APBB2: variants seen among roughly 807,000 people sequenced by gnomAD.
APBB2 encodes amyloid beta precursor protein binding family B member 2.
A neutral mutation model predicts 82.5 loss-of-function variants in APBB2; 38 were observed. The observed-to-expected ratio is 0.46, with a 90% CI of 0.36 to 0.60. The LOEUF (loss-of-function observed/expected upper bound fraction) is 0.60. Ranked by LOEUF, APBB2 falls within the 20% of genes least tolerant of loss-of-function variation. The pLI, the probability that APBB2 is intolerant of heterozygous loss-of-function variation, is 0.00. For missense variants in APBB2, 772 were observed against 972.3 expected (o/e 0.79, Z 2.74); for synonymous variants, 341 against 368.2 (o/e 0.93, Z 0.85).
intron 1 of APBB2, among the ~76,000 whole-genome samples, chr4:41,176,105 G>T (rs1262577940): frequency 1.3e-5 from 2 of 152,000 alleles, no homozygotes; most frequent in Non-Finnish European, 2.9e-5. Flanking sequence ...AGATAAGAGG[G>T]TCTACACTCT....
intron 10 of APBB2, among the ~76,000 whole-genome samples, chr4:40,893,664 T>C (rs986318418): frequency 1.3e-5 from 2 of 152,320 alleles, no homozygotes; most frequent in East Asian, 1.9e-4. Context: ...TTCCTTAGAA[T>C]AGGTTACTAG....
At chr4:40,917,901 T>A (rs757855151) in intron 10 of APBB2, among the ~76,000 whole-genome samples, 8 of 152,218 alleles carry the variant, frequency 5.3e-5, no homozygotes, top group Admixed American at 6.5e-5. Context: ...ATCAGTTAAC[T>A]CTCCCTATGA....
intron 7 of APBB2, among the ~76,000 whole-genome samples, chr4:40,939,587 A>G (rs112020112): frequency 1.5e-4 from 23 of 152,210 alleles, no homozygotes; most frequent in African/African-American, 5.3e-4. Flanking sequence ...TGTTTTATCA[A>G]TTTATATGTG....
chr4:41,146,699 A>T (rs188246996), intron 1 of APBB2, among the ~76,000 whole-genome samples: 3 of 152,170 alleles, frequency 2.0e-5, no homozygotes, highest in Non-Finnish European at 4.4e-5. Flanking sequence ...GAAACCCAGG[A>T]GTCTCACAAA....
intron 6 of APBB2, among the ~76,000 whole-genome samples, chr4:40,983,422 T>C (rs539211886): frequency 8.6e-4 from 131 of 152,340 alleles, no homozygotes; most frequent in Non-Finnish European, 1.6e-3. Context: ...ATGTAAAATA[T>C]TGGGAAATAG....
chr4:40,908,675 TGAG>T (rs1383999451), intron 10 of APBB2, among the ~76,000 whole-genome samples: 1 of 152,102 alleles, frequency 6.6e-6, no homozygotes, highest in South Asian at 2.1e-4. Flanking sequence ...AGGAGTACCC[TGAG>T]GAGAAGAAAA....
intron 12 of APBB2, among the ~76,000 whole-genome samples, chr4:40,870,442 G>T (rs916648116): frequency 6.6e-6 from 1 of 152,232 alleles, no homozygotes; most frequent in African/African-American, 2.4e-5. Flanking sequence ...GGCACAGTGT[G>T]TAACTGGCTC....
At chr4:40,982,305 G>GGAAA (rs369528238) in intron 6 of APBB2, among the ~76,000 whole-genome samples, 1 of 14,806 alleles carries the variant, frequency 6.8e-5, no homozygotes, top group Non-Finnish European at 1.6e-4. Flanking sequence ...AAGGAAGGAA[G>GGAAA]GAAAGAAAGA....
chr4:41,023,123 T>C (rs570107514), intron 5 of APBB2, among the ~76,000 whole-genome samples: 1 of 152,302 alleles, frequency 6.6e-6, no homozygotes, highest in South Asian at 2.1e-4. Context: ...AAAGCATATG[T>C]TTTGTAACTT....
intron 6 of APBB2, among the ~76,000 whole-genome samples, chr4:40,952,185 CAAA>C (rs61159163): frequency 0.43 from 48,001 of 111,410 alleles, 8,704 homozygotes; most frequent in Admixed American, 0.46. Context: ...GACTCTGTCT[CAAA>C]AAAAAAAAAA....
intron 6 of APBB2, 88 bp from the exon 7 acceptor site, chr4:40,945,161 C>T: frequency 6.5e-6 from 6 of 921,280 alleles, no homozygotes; most frequent in Non-Finnish European, 1.0e-5. Context: ...ACCCCAAAGG[C>T]AGACGTGTCC....
intron 2 of APBB2, among the ~76,000 whole-genome samples, chr4:41,136,957 G>A (rs752823226): frequency 6.6e-6 from 1 of 152,000 alleles, no homozygotes; most frequent in Non-Finnish European, 1.5e-5. Context: ...TGTAACTAAA[G>A]ATATATATAT....
At chr4:41,022,526 A>G (rs534757814) in intron 5 of APBB2, among the ~76,000 whole-genome samples, 1 of 152,282 alleles carries the variant, frequency 6.6e-6, no homozygotes, top group East Asian at 1.9e-4. Context: ...AAAAGATGTC[A>G]CCGCTTTATG....
rs186684118 is a variant in APBB2, at chr4:41,102,117, G to C, written c.-260-1367C>G. On this transcript the variant is annotated intron_variant, in intron 2 of 17. Transcript: ENST00000508593. ...TAACCTAAAGTCGGCATACCCCTCG[G>C]GCTCTCCTATTACAGGACTTCTACT... Among the ~76,000 whole-genome samples the C allele has an allele frequency of 5.1e-3, 777 of 152,100 alleles. 8 individuals are homozygous for C. The highest frequency in any genetic ancestry group is 0.016 in the African/African-American group (676 of 41,478).
intron 6 of APBB2, among the ~76,000 whole-genome samples, chr4:40,978,791 TCCATTTC>T (rs1797796200): frequency 6.6e-6 from 1 of 152,156 alleles, no homozygotes; most frequent in South Asian, 2.1e-4. Flanking sequence ...TCTCCAAGAT[TCCATTTC>T]AGTTAGTAAC....
At chr4:40,862,693 T>C (rs1347250096) in intron 12 of APBB2, among the ~76,000 whole-genome samples, 1 of 152,144 alleles carries the variant, frequency 6.6e-6, no homozygotes, top group Non-Finnish European at 1.5e-5. Context: ...ACCCTGTGTC[T>C]ACTAAAACTA....
At chr4:41,126,716 G>T (rs1165594242) in intron 2 of APBB2, among the ~76,000 whole-genome samples, 1 of 152,108 alleles carries the variant, frequency 6.6e-6, no homozygotes, top group East Asian at 1.9e-4. Context: ...TTATTCTGAG[G>T]CCTCTCTCCT....
At chr4:41,181,796 T>G (rs1014181308) in intron 1 of APBB2, among the ~76,000 whole-genome samples, 1 of 151,634 alleles carries the variant, frequency 6.6e-6, no homozygotes, top group African/African-American at 2.4e-5. Context: ...AAATACAAAA[T>G]TAGCCCGGCA....
intron 10 of APBB2, among the ~76,000 whole-genome samples, chr4:40,894,191 A>G (rs1248183581): frequency 1.3e-5 from 2 of 151,650 alleles, no homozygotes; most frequent in Non-Finnish European, 2.9e-5. Flanking sequence ...AGGAGGCTGA[A>G]GCAGAAGAAT....
Sources: allele counts gnomAD v4.1 joint callset (sites outside exome capture counted in the v4.1 genomes callset), GRCh38; gene constraint gnomAD v4.1.1; transcripts MANE v1.5; gene names NCBI Gene and HGNC (gene_info 2026-07-23, HGNC 2026-07-21).